Variants in UGT2B4 observed in about 807,000 individuals in gnomAD.
UGT2B4 encodes UDP glucuronosyltransferase family 2 member B4.
In UGT2B4, 49 loss-of-function variants were observed where a neutral mutation model predicts 49.8. The ratio of observed to expected loss-of-function variants is 0.98; its 90% confidence interval spans 0.78 to 1.25. UGT2B4 has a LOEUF of 1.25. UGT2B4 is among the 50% of genes most tolerant of loss of function. UGT2B4 has a pLI of 0.00. For synonymous variants in UGT2B4, 246 were observed against 217.7 expected, an observed-to-expected ratio of 1.13 and a Z score of -1.14; for missense variants, 729 against 627.7, an observed-to-expected ratio of 1.16 and a Z score of -1.73.
intron 1 of UGT2B4, among the ~76,000 whole-genome samples, chr4:69,508,185 T>TA (rs953779302): frequency 8.6e-5 from 13 of 151,722 alleles, no homozygotes; most frequent in Non-Finnish European, 1.9e-4. Flanking sequence ...TATTAAAAAA[T>TA]AAAAAATAAA....
intron 1 of UGT2B4, among the ~76,000 whole-genome samples, chr4:69,510,271 T>C (rs1728574029): frequency 1.3e-5 from 2 of 152,192 alleles, no homozygotes; most frequent in African/African-American, 4.8e-5. Context: ...TATATTTTGA[T>C]ATAAGAAAAT....
intron 1 of UGT2B4, among the ~76,000 whole-genome samples, chr4:69,515,449 A>G (rs997915277): frequency 2.6e-5 from 4 of 152,222 alleles, no homozygotes; most frequent in African/African-American, 9.6e-5. Context: ...GAAGTTAATG[A>G]GTTCTTTAAC....
At chr4:69,525,711 G>A (rs11732968) in exon 1 of UGT2B4, 442,294 of 1,248,108 alleles carry the variant, frequency 0.35, 82,089 homozygotes, top group Non-Finnish European at 0.36. Flanking sequence ...GATGAGACAT[G>A]TAAGAGAGCA....
chr4:69,487,550 C>T (rs1373583707), intron 3 of UGT2B4, among the ~76,000 whole-genome samples: 1 of 151,874 alleles, frequency 6.6e-6, no homozygotes, highest in Non-Finnish European at 1.5e-5. Context: ...CATGAGAACA[C>T]ATGAACATAT....
At chr4:69,493,571 T>A in intron 2 of UGT2B4, 122 bp downstream of exon 2, 1 of 1,195,294 alleles carries the variant, frequency 8.4e-7, no homozygotes, top group East Asian at 2.8e-5. Context: ...AGTTTCTAAT[T>A]GGTATCTGCT....
At chr4:69,509,164 A>G (rs1034529362) in intron 1 of UGT2B4, among the ~76,000 whole-genome samples, 2 of 78,562 alleles carry the variant, frequency 2.5e-5, no homozygotes, top group African/African-American at 8.0e-5. Context: ...ATCATATGGA[A>G]TTTCTATTTT....
intron 1 of UGT2B4, among the ~76,000 whole-genome samples, chr4:69,516,140 C>G (rs748591235): frequency 6.6e-6 from 1 of 152,158 alleles, no homozygotes; most frequent in Non-Finnish European, 1.5e-5. Context: ...TAAGGGCTTC[C>G]AGCTGCATCC....
chr4:69,518,572 G>A (rs1349900400), intron 1 of UGT2B4, among the ~76,000 whole-genome samples: 3 of 152,010 alleles, frequency 2.0e-5, no homozygotes. Flanking sequence ...AATATGTCAG[G>A]GAAAAGTTTA....
chr4:69,510,710 G>C (rs1362240089), intron 1 of UGT2B4, among the ~76,000 whole-genome samples: 6 of 151,960 alleles, frequency 3.9e-5, no homozygotes, highest in Admixed American at 3.9e-4. Flanking sequence ...TTAGTTTTAA[G>C]AGTATTTTGG....
intron 1 of UGT2B4, chr4:69,517,609 C>CCA (rs1283203843): frequency 9.9e-5 from 15 of 152,170 alleles, no homozygotes; most frequent in African/African-American, 3.6e-4. Context: ...ATGTGATGTT[C>CCA]TATATATGAC....
intron 5 of UGT2B4, among the ~76,000 whole-genome samples, chr4:69,483,133 T>C (rs897538532): frequency 1.1e-4 from 16 of 152,190 alleles, no homozygotes; most frequent in African/African-American, 3.1e-4. Context: ...ATTTACTTTT[T>C]TACTTTAAAA....
chr4:69,520,842 G>A lies in UGT2B4; in HGVS notation c.-106+4845C>T, dbSNP rs113196141. ...ACAGGAGACAGACAGACTCCTGGGCGGTAAGAGGCAGATCCCTGATGAAGC... is the reference window on the plus strand; with the variant it reads ...ACAGGAGACAGACAGACTCCTGGGCAGTAAGAGGCAGATCCCTGATGAAGC... On this transcript the variant is annotated intron_variant, in intron 1 of 1. Coordinates refer to the UGT2B4 transcript ENST00000510114. 2.0e-4 allele frequency among the ~76,000 whole-genome samples: 30 copies of A among 152,272 alleles called. 1 individual carries two copies. The highest frequency in any genetic ancestry group is 5.8e-4 in the East Asian group (3 of 5,158).
At chr4:69,483,190 A>T (rs1727653377) in intron 5 of UGT2B4, among the ~76,000 whole-genome samples, 1 of 152,136 alleles carries the variant, frequency 6.6e-6, no homozygotes, top group Non-Finnish European at 1.5e-5. Context: ...TTTTTTAGTT[A>T]TCATTTTTAT....
chr4:69,508,680 A>C (rs1434953891), intron 1 of UGT2B4, among the ~76,000 whole-genome samples: 2 of 152,170 alleles, frequency 1.3e-5, no homozygotes, highest in Admixed American at 1.3e-4. Flanking sequence ...ATAGAAGGGA[A>C]CAAAAGACAC....
In UGT2B4 at chr4:69,495,042, AAAT is replaced by A. The variant is rs1728103812; in HGVS notation, c.721+96_721+98del. The A allele has an allele frequency of 1.5e-5, 17 of 1,117,100 alleles. No individual in the cohort carries two copies. The East Asian group carries it at 4.5e-4, about 30-fold the overall frequency. 69.2% of individuals were successfully genotyped at this position (1,117,100 alleles called of 1,614,324 possible). On this transcript the variant is annotated intron_variant, in intron 1 of 5. Coordinates refer to ENST00000305107, the MANE Select transcript of UGT2B4 (RefSeq NM_021139.3). ...ATTTCATTTGATAAATTCATTACAA[AAAT>A]ACCCCACTACCCTGACTTTATGGCT...
At chr4:69,503,030 G>A (rs752468217) in intron 1 of UGT2B4, among the ~76,000 whole-genome samples, 6 of 152,180 alleles carry the variant, frequency 3.9e-5, no homozygotes, top group Non-Finnish European at 7.3e-5. Flanking sequence ...TAAGCCAGCT[G>A]ATGTGAAGCC....
At chr4:69,487,761 A>AATTT (rs1481355967) in intron 3 of UGT2B4, among the ~76,000 whole-genome samples, 1 of 152,140 alleles carries the variant, frequency 6.6e-6, no homozygotes, top group African/African-American at 2.4e-5. Flanking sequence ...AATAAAACTT[A>AATTT]ATTTTAAAAA....
At chr4:69,483,100 AT>A (rs1727651605) in intron 5 of UGT2B4, among the ~76,000 whole-genome samples, 1 of 152,206 alleles carries the variant, frequency 6.6e-6, no homozygotes, top group Non-Finnish European at 1.5e-5. Context: ...AATTGTTGAA[AT>A]AAAAGTGTGT....
At chr4:69,508,712 G>C (rs1728534609) in intron 1 of UGT2B4, among the ~76,000 whole-genome samples, 1 of 152,158 alleles carries the variant, frequency 6.6e-6, no homozygotes, top group Non-Finnish European at 1.5e-5. Flanking sequence ...TGAGGCTGAA[G>C]AGCGGGAGGA....
Sources: gnomAD v4.1 joint callset for allele counts (sites outside exome capture counted in the v4.1 genomes callset) on GRCh38, gnomAD v4.1.1 for gene constraint, MANE v1.5 for transcripts, NCBI Gene and HGNC (gene_info 2026-07-23, HGNC 2026-07-21) for gene names.